The following LINGO2 variants were observed in gnomAD, a reference collection of about 807,000 sequenced individuals.
LINGO2 encodes the protein leucine-rich repeat and immunoglobulin-like domain-containing nogo receptor-interacting protein 2.
A neutral mutation model predicts 30.6 loss-of-function variants in LINGO2; 14 were observed. That is an observed-to-expected ratio of 0.46 (90% CI 0.30 to 0.72). The LOEUF (loss-of-function observed/expected upper bound fraction) is 0.72. Ranked by LOEUF, LINGO2 falls within the 30% of genes least tolerant of loss-of-function variation. The pLI is 0.07. For missense variants in LINGO2, 729 were observed against 751.7 expected (o/e 0.97, Z 0.35); for synonymous variants, 317 against 288.5 (o/e 1.10, Z -1.00).
chr9:27,978,960 T>A (rs1261712943), intron 5 of LINGO2, among the ~76,000 whole-genome samples: 2 of 152,050 alleles, frequency 1.3e-5, no homozygotes, highest in Non-Finnish European at 2.9e-5. Flanking sequence ...AAAATAGTTA[T>A]CTCTGTTTTA....
At chr9:27,940,974 A>G in the LINGO2 span, 3 of 152,188 alleles carry the variant, frequency 2.0e-5, no homozygotes, top group East Asian at 5.8e-4. Flanking sequence ...TACCCAACAC[A>G]TTCAAAACTA....
chr9:28,137,409 C>T (rs539230979), intron 4 of LINGO2, among the ~76,000 whole-genome samples: 2 of 152,222 alleles, frequency 1.3e-5, no homozygotes, highest in South Asian at 2.1e-4. Flanking sequence ...AACACCTCTA[C>T]AACAAACCTG....
the LINGO2 span, among the ~76,000 whole-genome samples, chr9:29,115,991 G>A: frequency 6.6e-6 from 1 of 152,034 alleles, no homozygotes; most frequent in Non-Finnish European, 1.5e-5. Flanking sequence ...TTCATTTGTG[G>A]CTAAAATTAT....
At chr9:28,282,284 G>C (rs1587384122) in intron 4 of LINGO2, among the ~76,000 whole-genome samples, 1 of 152,224 alleles carries the variant, frequency 6.6e-6, no homozygotes, top group Admixed American at 6.5e-5. Context: ...GTGAGACACT[G>C]ATACAATGAT....
intron 1 of LINGO2, among the ~76,000 whole-genome samples, chr9:28,573,842 T>C (rs535552077): frequency 6.6e-6 from 1 of 152,166 alleles, no homozygotes; most frequent in Non-Finnish European, 1.5e-5. Context: ...TTTTAAACAC[T>C]CATATTTTGA....
the LINGO2 span, among the ~76,000 whole-genome samples, chr9:29,142,268 A>G: frequency 6.6e-6 from 1 of 151,914 alleles, no homozygotes; most frequent in Non-Finnish European, 1.5e-5. Context: ...GGAAAATTTA[A>G]AAATTTGTAG....
chr9:28,768,694 C>CA, the LINGO2 span, among the ~76,000 whole-genome samples: 2 of 151,648 alleles, frequency 1.3e-5, no homozygotes, highest in African/African-American at 4.9e-5. Flanking sequence ...CATGTATACA[C>CA]AAATATATGT....
At chr9:28,049,932 G>C (rs1353159427) in intron 4 of LINGO2, among the ~76,000 whole-genome samples, 1 of 150,786 alleles carries the variant, frequency 6.6e-6, no homozygotes, top group Non-Finnish European at 1.5e-5. Flanking sequence ...ACTAAAAACT[G>C]TCTTGAAGCT....
At chr9:28,925,241 G>T in the LINGO2 span, among the ~76,000 whole-genome samples, 83 of 152,274 alleles carry the variant, frequency 5.5e-4, 1 homozygote, top group African/African-American at 2.0e-3. Context: ...CTCCTGAGAG[G>T]TGATCTCTAA....
intron 3 of LINGO2, among the ~76,000 whole-genome samples, chr9:28,360,865 A>G (rs1391284123): frequency 6.6e-6 from 1 of 152,144 alleles, no homozygotes; most frequent in Non-Finnish European, 1.5e-5. Context: ...ACAACTCAGA[A>G]TATATAGGAG....
chr9:28,013,107 A>G (rs576058822), intron 4 of LINGO2, among the ~76,000 whole-genome samples: 1 of 152,314 alleles, frequency 6.6e-6, no homozygotes, highest in Non-Finnish European at 1.5e-5. Flanking sequence ...ATGATGTTTT[A>G]GCATAGGGTA....
chr9:28,388,014 A>T (rs575533902), intron 2 of LINGO2, among the ~76,000 whole-genome samples: 1 of 152,300 alleles, frequency 6.6e-6, no homozygotes, highest in East Asian at 1.9e-4. Context: ...ATCACTTTTA[A>T]GGCCCTCATG....
the LINGO2 span, among the ~76,000 whole-genome samples, chr9:28,812,551 G>A: frequency 6.6e-6 from 1 of 152,134 alleles, no homozygotes; most frequent in Non-Finnish European, 1.5e-5. Context: ...GCAAGCCTTA[G>A]TTGCCACTAA....
chr9:28,168,800 G>T (rs1456194784), intron 4 of LINGO2, among the ~76,000 whole-genome samples: 1 of 152,216 alleles, frequency 6.6e-6, no homozygotes, highest in East Asian at 1.9e-4. Context: ...AATAAAAATA[G>T]CTGATAAATG....
chr9:28,187,315 AC>A (rs1394561727), intron 4 of LINGO2, among the ~76,000 whole-genome samples: 4 of 151,792 alleles, frequency 2.6e-5, no homozygotes, highest in Admixed American at 2.0e-4. Context: ...ACATGGTGAA[AC>A]CCCATCTCTG....
At chr9:28,889,253 T>C in the LINGO2 span, among the ~76,000 whole-genome samples, 2 of 152,138 alleles carry the variant, frequency 1.3e-5, no homozygotes, top group Admixed American at 1.3e-4. Flanking sequence ...TCACTTTCAA[T>C]AATGCCTGAG....
intron 3 of LINGO2, among the ~76,000 whole-genome samples, chr9:28,319,346 T>C (rs1215974005): frequency 1.3e-5 from 2 of 152,186 alleles, no homozygotes; most frequent in African/African-American, 4.8e-5. Context: ...TCTTTTTCTT[T>C]ACTACTCTCT....
chr9:28,496,226 T>C (rs1328223253), intron 1 of LINGO2, among the ~76,000 whole-genome samples: 1 of 152,146 alleles, frequency 6.6e-6, no homozygotes. Flanking sequence ...TCTAACTTTC[T>C]GTCTCGTTGA....
chr9:28,203,476 A>C (rs138091929), intron 4 of LINGO2, among the ~76,000 whole-genome samples: 1 of 152,264 alleles, frequency 6.6e-6, no homozygotes, highest in African/African-American at 2.4e-5. Context: ...ATAGGTAGTG[A>C]GGCAGGGGAG....
Sources: allele counts gnomAD v4.1 joint callset (sites outside exome capture counted in the v4.1 genomes callset), GRCh38; gene constraint gnomAD v4.1.1; transcripts MANE v1.5; gene names NCBI Gene and HGNC (gene_info 2026-07-23, HGNC 2026-07-21).